Variants in VCAN observed in about 807,000 individuals in gnomAD.
VCAN encodes the protein versican.
In VCAN, 44 loss-of-function variants were observed where a neutral mutation model predicts 245.5. The ratio of observed to expected loss-of-function variants is 0.18; its 90% CI spans 0.14 to 0.23. The LOEUF (loss-of-function observed/expected upper bound fraction) is 0.23, where lower values mean the gene tolerates loss of function less well. Among genes scored for constraint, VCAN ranks in the 10% least tolerant of loss-of-function variants. VCAN has a pLI of 1.00. For missense variants in VCAN, 3,793 were observed against 4,057.9 expected, an observed-to-expected ratio of 0.93 and a Z score of 1.77; for synonymous variants, 1,413 against 1,437.0, an observed-to-expected ratio of 0.98 and a Z score of 0.38.
intron 1 of VCAN, among the ~76,000 whole-genome samples, chr5:83,476,057 A>C (rs1744377979): frequency 1.3e-5 from 2 of 152,220 alleles, no homozygotes; most frequent in Admixed American, 1.3e-4. Flanking sequence ...AAATTCTGCT[A>C]GGAAAGGACC....
chr5:83,473,744 G>T (rs1744285080), intron 1 of VCAN, among the ~76,000 whole-genome samples: 2 of 152,120 alleles, frequency 1.3e-5, no homozygotes, highest in Admixed American at 6.5e-5. Flanking sequence ...GAGAAGTCCC[G>T]CACAGGCGGA....
At chr5:83,503,491 C>G (rs1745393690) in intron 5 of VCAN, among the ~76,000 whole-genome samples, 2 of 152,114 alleles carry the variant, frequency 1.3e-5, no homozygotes, top group Admixed American at 1.3e-4. Flanking sequence ...AAATGTTGAA[C>G]TTTTGTAGTA....
intron 12 of VCAN, among the ~76,000 whole-genome samples, chr5:83,559,486 C>T (rs1193842936): frequency 6.6e-6 from 1 of 152,118 alleles, no homozygotes; most frequent in African/African-American, 2.4e-5. Flanking sequence ...TGGAATAAGC[C>T]ATGGGTTCTC....
In VCAN at chr5:83,572,448, C is replaced by T. The variant is rs1369778745; in HGVS notation, c.9768C>T (p.Asp3256=). The change falls in exon 13 of 15, where the codon GAC becomes GAT. Residue 3256 remains aspartate (D), a synonymous_variant. Coordinates refer to ENST00000265077, the MANE Select transcript of VCAN (RefSeq NM_004385.5). ...AGAATTGGAGACCCAACCAGCCAGA[C>T]AGCTTCTTTTCTGCTGGAGAAGACT... The part of the protein sequence containing the change: ...QYENWRPNQP[D]SFFSAGEDCV... 1 of 1,613,970 alleles carries T rather than the reference C, an allele frequency of 6.2e-7. No individual in the cohort carries two copies. The highest frequency in any genetic ancestry group is 8.5e-7 in the Non-Finnish European group (1 of 1,179,896).
At chr5:83,488,957 G>A (rs1457746726) in intron 2 of VCAN, among the ~76,000 whole-genome samples, 1 of 152,046 alleles carries the variant, frequency 6.6e-6, no homozygotes, top group African/African-American at 2.4e-5. Context: ...TATCTCCATA[G>A]TATCTTCTTG....
chr5:83,543,956 G>A (rs149932618), intron 8 of VCAN, among the ~76,000 whole-genome samples: 22 of 152,298 alleles, frequency 1.4e-4, no homozygotes, highest in African/African-American at 4.6e-4. Flanking sequence ...TAATTGGAAC[G>A]ACTTCCAGTT....
At chr5:83,561,965 G>A (rs971579659) in intron 12 of VCAN, 1 of 152,128 alleles carries the variant, frequency 6.6e-6, no homozygotes, top group Non-Finnish European at 1.5e-5. Context: ...GATTTCACAT[G>A]ATTTGACAGA....
rs780104369 is a variant in VCAN at position 83,538,684 on chromosome 5, T to C, written c.5681T>C (p.Val1894Ala). The C allele has an allele frequency of 2.2e-5, 36 of 1,613,882 alleles. No individual in the cohort carries two copies. Among genetic ancestry groups the C allele is most frequent in the Non-Finnish European group, 3.0e-5 (35 of 1,179,918 alleles). Residue 1894 changes from valine to alanine, a missense_variant, in exon 8 of 15, where the codon GTA (valine) becomes GCA (alanine). By Grantham distance (64) the Val-to-Ala change is moderately conservative. Around this residue, in one of 5 missense-constraint regions of VCAN, gnomAD observed 3,182 missense variants for 3,250.3 expected, o/e 0.98. Transcript: ENST00000265077. ...GTTTTGAGTACAGTAATGGACAGAG[T>C]AGTTGCTGAAAATATAACCCAAACA... ...GLVLSTVMDR[V>A]VAENITQTSR...
At chr5:83,479,090 T>G (rs1314514660) in intron 1 of VCAN, among the ~76,000 whole-genome samples, 1 of 152,178 alleles carries the variant, frequency 6.6e-6, no homozygotes, top group Non-Finnish European at 1.5e-5. Context: ...ATTTCACACC[T>G]AAATCACGTG....
intron 5 of VCAN, among the ~76,000 whole-genome samples, chr5:83,495,306 T>C (rs567473144): frequency 6.6e-5 from 10 of 152,320 alleles, no homozygotes; most frequent in African/African-American, 2.4e-4. Flanking sequence ...ATTTTCCTAA[T>C]GCCTTGACTA....
chr5:83,474,466 A>G lies in VCAN; in HGVS notation c.-7+2443A>G, dbSNP rs1386262102. ...TGGAAGGGTGGGAAAGAACTAGACA[A>G]GCGGAGGTGGTCCAGCCCCGCCCAA... is the stretch of plus-strand genomic sequence containing the variant. On this transcript the variant is annotated intron_variant, in intron 1 of 14. Coordinates refer to ENST00000265077, the MANE Select transcript of VCAN (RefSeq NM_004385.5). Among the ~76,000 whole-genome samples, 3 of 152,160 alleles carry G rather than the reference A, an allele frequency of 2.0e-5. No individual in the cohort carries two copies. In the South Asian group the frequency reaches 6.2e-4, roughly 32 times the overall value.
chr5:83,545,461 G>A (rs1747168155), intron 8 of VCAN, 76 bp from the exon 9 acceptor site: 3 of 1,129,844 alleles, frequency 2.7e-6, no homozygotes, highest in Non-Finnish European at 4.1e-6. Flanking sequence ...TAGCAATATG[G>A]GGCGTTTTAT....
At chr5:83,512,796 G>A in intron 6 of VCAN, 1 of 160,172 alleles carries the variant, frequency 6.2e-6, no homozygotes, top group Admixed American at 6.1e-5. Flanking sequence ...GTATCACTCT[G>A]TTTCTTTGAG....
At chr5:83,481,761 A>T (rs949429721) in intron 1 of VCAN, among the ~76,000 whole-genome samples, 7 of 152,208 alleles carry the variant, frequency 4.6e-5, no homozygotes, top group Non-Finnish European at 8.8e-5. Flanking sequence ...GAATTTAAAA[A>T]TTTTGTTTTG....
chr5:83,547,866 C>G, intron 9 of VCAN, 105 bp from the exon 10 acceptor site: 1 of 834,602 alleles, frequency 1.2e-6, no homozygotes, highest in Admixed American at 1.9e-5. Flanking sequence ...ATCTGAAATT[C>G]AAATTTAACT....
intron 7 of VCAN, among the ~76,000 whole-genome samples, chr5:83,529,209 G>A (rs1746424481): frequency 6.6e-6 from 1 of 151,078 alleles, no homozygotes. Flanking sequence ...CATGGAAGAG[G>A]CAGTTATTGT....
rs745596001 is a variant in VCAN at position 83,539,392 on chromosome 5, A to C, written c.6389A>C (p.Gln2130Pro). 4.3e-6 allele frequency: 7 copies of C among 1,614,098 alleles called. No homozygotes were observed. Among genetic ancestry groups the C allele is most frequent in the Middle Eastern group, 1.7e-4 (1 of 6,058 alleles). The change falls in exon 8 of 15, where the codon CAA becomes CCA. Residue 2130 changes from glutamine to proline, a missense_variant. By Grantham distance (76) the Gln-to-Pro change is moderately conservative (BLOSUM62 -1). This residue lies in a region of VCAN where 3,182 missense variants were observed against 3,250.3 expected (regional missense o/e 0.98). Coordinates refer to ENST00000265077, the MANE Select transcript of VCAN (RefSeq NM_004385.5). The part of the protein sequence containing the change: ...IQEEKSFESP[Q>P]NSPATEQTIF... Reference sequence around the variant, plus strand: ...GAAGAAAAGTCATTTGAATCCCCTCAAAACTCTCCTGCAACAGAACAAACA... The same window carrying C: ...GAAGAAAAGTCATTTGAATCCCCTCCAAACTCTCCTGCAACAGAACAAACA...
In VCAN at chr5:83,525,333, G is replaced by T. The variant is rs566555063; in HGVS notation, c.4003+3024G>T. On this transcript the variant is annotated intron_variant, in intron 7 of 14. Transcript: ENST00000265077. ...CTGCATTTTGAAAAATTATTGAAAG[G>T]CTTTCTTTGTGAACATGCATGAAGG... Among the ~76,000 whole-genome samples, 135 of 152,066 alleles carry T rather than the reference G, an allele frequency of 8.9e-4. 1 individual carries two copies. The highest frequency in any genetic ancestry group is 5.7e-3 in the Admixed American group (87 of 15,268).
chr5:83,494,619 G>A (rs1000229833), intron 5 of VCAN, among the ~76,000 whole-genome samples: 6 of 152,148 alleles, frequency 3.9e-5, no homozygotes, highest in Non-Finnish European at 8.8e-5. Context: ...GAGTTCAATA[G>A]TACCGACATT....
Sources: gnomAD v4.1 joint callset for allele counts (sites outside exome capture counted in the v4.1 genomes callset) on GRCh38, gnomAD v4.1.1 for gene constraint, gnomAD v4.1.1 regional missense constraint, MANE v1.5 for transcripts, NCBI Gene and HGNC (gene_info 2026-07-23, HGNC 2026-07-21) for gene names.